ATP6V1C2: variants seen among roughly 807,000 people sequenced by gnomAD.
ATP6V1C2 encodes V-type proton ATPase subunit C 2.
In ATP6V1C2, 45 loss-of-function variants were observed where a neutral mutation model predicts 56.8. That is an observed-to-expected ratio of 0.79 (90% confidence interval 0.62 to 1.02). ATP6V1C2 has a LOEUF of 1.02. Among genes scored for constraint, ATP6V1C2 ranks in the 50% least tolerant of loss-of-function variants. The pLI is 0.00. For synonymous variants in ATP6V1C2, 220 were observed against 201.3 expected (o/e 1.09, Z -0.79); for missense variants, 463 against 519.7 (o/e 0.89, Z 1.06).
At chr2:10,731,454 A>C (rs1661948064) in intron 3 of ATP6V1C2, among the ~76,000 whole-genome samples, 1 of 152,246 alleles carries the variant, frequency 6.6e-6, no homozygotes, top group South Asian at 2.1e-4. Context: ...TCTGCACCAC[A>C]GGGAGGTATG....
intron 3 of ATP6V1C2, among the ~76,000 whole-genome samples, chr2:10,731,367 C>T (rs183329384): frequency 1.3e-5 from 2 of 152,314 alleles, no homozygotes; most frequent in African/African-American, 4.8e-5. Context: ...TATCAAATCT[C>T]AGGGCCTGTC....
Position 10,754,035 on chromosome 2 carries a change from G to A in ATP6V1C2, c.252G>A (p.Gly84=). The A allele has an allele frequency of 6.2e-7, 1 of 1,607,178 alleles. No individual in the cohort carries two copies. Among genetic ancestry groups the A allele is most frequent in the South Asian group, 1.1e-5 (1 of 89,776 alleles). ...TGGAAGTCATGGAGGACTCAAAGGG[G>A]AAGGTCCAGGAGCACCTCCTGGCAA... is the stretch of plus-strand genomic sequence containing the variant. The part of the protein sequence containing the change: ...SVVEVMEDSK[G]KVQEHLLANG... Residue 84 remains glycine, a synonymous_variant, in exon 4 of 14, where the codon GGG becomes GGA. Coordinates refer to ENST00000272238, the MANE Select transcript of ATP6V1C2 (RefSeq NM_001039362.2).
chr2:10,765,056 G>A (rs1330839720), intron 5 of ATP6V1C2, among the ~76,000 whole-genome samples: 1 of 152,142 alleles, frequency 6.6e-6, no homozygotes, highest in Non-Finnish European at 1.5e-5. Context: ...TAGCCCCCAG[G>A]GGATTGTTCA....
chr2:10,768,905 G>A, intron 6 of ATP6V1C2, 95 bp downstream of exon 6: 1 of 963,870 alleles, frequency 1.0e-6, no homozygotes. Flanking sequence ...GGGAGTCTGT[G>A]CCCATGCATG....
chr2:10,726,627 C>A, intron 3 of ATP6V1C2, 58 bp downstream of exon 3: 1 of 1,480,824 alleles, frequency 6.8e-7, no homozygotes, highest in Non-Finnish European at 9.4e-7. Flanking sequence ...TGTCAGAGGA[C>A]ACAGTGTTCT....
chr2:10,765,319 C>T (rs1273643278), intron 5 of ATP6V1C2, among the ~76,000 whole-genome samples: 1 of 152,228 alleles, frequency 6.6e-6, no homozygotes, highest in Non-Finnish European at 1.5e-5. Flanking sequence ...GTGAGGGTGA[C>T]AAGGACTGTG....
chr2:10,734,374 A>G, intron 3 of ATP6V1C2, among the ~76,000 whole-genome samples: 1 of 152,018 alleles, frequency 6.6e-6, no homozygotes, highest in East Asian at 1.9e-4. Flanking sequence ...CTTTCATGGC[A>G]CTTGCCACAG....
intron 5 of ATP6V1C2, among the ~76,000 whole-genome samples, chr2:10,768,347 G>A (rs1471311099): frequency 6.6e-6 from 1 of 152,240 alleles, no homozygotes; most frequent in African/African-American, 2.4e-5. Flanking sequence ...AGGAGACATG[G>A]GCATTTGAGA....
At chr2:10,774,405 G>A (rs1197599590) in intron 8 of ATP6V1C2, among the ~76,000 whole-genome samples, 1 of 152,246 alleles carries the variant, frequency 6.6e-6, no homozygotes, top group Non-Finnish European at 1.5e-5. Context: ...GAAGTGAAAT[G>A]GACCTTGTAG....
chr2:10,757,502 G>T, intron 4 of ATP6V1C2: 1 of 398,520 alleles, frequency 2.5e-6, no homozygotes, highest in Non-Finnish European at 4.4e-6. Context: ...CGTGATGCCC[G>T]CATGTCCCGG....
At chr2:10,753,857 C>T in intron 3 of ATP6V1C2, 124 bp from the exon 4 acceptor site, 3 of 839,172 alleles carry the variant, frequency 3.6e-6, no homozygotes, top group Admixed American at 4.3e-5. Context: ...TAACCCTCTT[C>T]ATACATCTTG....
At chr2:10,745,501 C>G (rs1662859665) in intron 3 of ATP6V1C2, among the ~76,000 whole-genome samples, 1 of 150,894 alleles carries the variant, frequency 6.6e-6, no homozygotes, top group Admixed American at 6.6e-5. Flanking sequence ...ACTACACACC[C>G]TGGTAATTTT....
intron 13 of ATP6V1C2, among the ~76,000 whole-genome samples, chr2:10,782,702 G>GTGCCTGTAGTCTCAGC (rs796906307): frequency 9.9e-5 from 15 of 152,044 alleles, no homozygotes; most frequent in African/African-American, 3.6e-4. Flanking sequence ...ATGGTGGTGT[G>GTGCCTGTAGTCTCAGC]TGCCTGTAGT....
At chr2:10,767,121 C>G (rs1056739013) in intron 5 of ATP6V1C2, among the ~76,000 whole-genome samples, 1 of 144,662 alleles carries the variant, frequency 6.9e-6, no homozygotes, top group African/African-American at 2.5e-5. Flanking sequence ...AAAATCATCA[C>G]TTTATCTTTA....
chr2:10,756,645 G>T (rs2148464786), intron 4 of ATP6V1C2, among the ~76,000 whole-genome samples: 1 of 152,244 alleles, frequency 6.6e-6, no homozygotes, highest in Non-Finnish European at 1.5e-5. Flanking sequence ...TTGAACCTGG[G>T]AGGCGGAGGT....
Position 10,784,599 on chromosome 2 carries a change from A to G in ATP6V1C2, c.*1336A>G. 1.9e-6 allele frequency: 1 copy of G among 521,328 alleles called. No homozygotes were observed. Among genetic ancestry groups the G allele is most frequent in the Non-Finnish European group, 3.4e-6 (1 of 297,660 alleles). 32.3% of individuals were successfully genotyped at this position (521,328 alleles called of 1,614,324 possible). A position where few individuals can be genotyped will look rare whatever the true frequency, so the allele number is the denominator to read the frequency against. The stretch of plus-strand genomic sequence containing the variant: ...TTTGAGGAGGGTGGGACACAACAGT[A>G]CAGAAATAAGTGCTAATTTCAAAGC... On this transcript the variant is annotated 3_prime_UTR_variant, in exon 14 of 14. Coordinates refer to ENST00000272238, the MANE Select transcript of ATP6V1C2 (RefSeq NM_001039362.2).
At chr2:10,775,158 T>C in intron 10 of ATP6V1C2, 87 bp downstream of exon 10, 1 of 979,744 alleles carries the variant, frequency 1.0e-6, no homozygotes, top group Non-Finnish European at 1.6e-6. Context: ...CTCTCCCTCC[T>C]CCCTCTCATT....
intron 3 of ATP6V1C2, among the ~76,000 whole-genome samples, chr2:10,750,429 T>C (rs923854941): frequency 4.6e-5 from 7 of 151,578 alleles, no homozygotes; most frequent in Non-Finnish European, 8.8e-5. Flanking sequence ...GGCAGAAGGA[T>C]CACTTGAACC....
rs1199105536 is a variant in ATP6V1C2 at position 10,746,445 on chromosome 2, C to T, written c.198-7536C>T. Among the ~76,000 whole-genome samples the T allele has an allele frequency of 7.3e-5, 11 of 150,172 alleles. No individual in the cohort carries two copies. The Admixed American group carries it at 7.3e-4, about 10-fold the overall frequency. ...TTCTTTTTTTTGAGACAGAGTCTCC[C>T]TCTGTCACCCATGCTGGAATGCAGG... On this transcript the variant is annotated intron_variant, in intron 3 of 13. Transcript: ENST00000272238.
Sources: allele counts gnomAD v4.1 joint callset (sites outside exome capture counted in the v4.1 genomes callset), GRCh38; gene constraint gnomAD v4.1.1; transcripts MANE v1.5; gene names NCBI Gene and HGNC (gene_info 2026-07-23, HGNC 2026-07-21).